Variants in AQR observed in about 807,000 individuals in gnomAD.
AQR encodes RNA helicase aquarius.
Under a neutral mutation model 180.5 loss-of-function variants are expected in AQR, and 61 were observed. That is an observed-to-expected ratio of 0.34 (90% CI 0.28 to 0.42). The LOEUF (loss-of-function observed/expected upper bound fraction) is 0.42. AQR is among the 10% of genes least tolerant of loss of function. The pLI is 1.00. For synonymous variants in AQR, 551 were observed against 588.8 expected (o/e 0.94, Z 0.93); for missense variants, 1,281 against 1,798.3 (o/e 0.71, Z 5.20).
chr15:34,896,832 A>G, intron 22 of AQR, 65 bp downstream of exon 22: 1 of 1,458,324 alleles, frequency 6.9e-7, no homozygotes, highest in East Asian at 2.3e-5. Flanking sequence ...ATGGGCAACA[A>G]AAGTGAAACT....
At chr15:34,890,427 T>G in intron 23 of AQR, 103 bp from the exon 24 acceptor site, 1 of 878,068 alleles carries the variant, frequency 1.1e-6, no homozygotes. Flanking sequence ...AGCCTTATAT[T>G]AGGCCATTTA....
intron 1 of AQR, among the ~76,000 whole-genome samples, chr15:34,967,048 G>T (rs2050313241): frequency 1.3e-5 from 2 of 151,942 alleles, no homozygotes; most frequent in Admixed American, 1.3e-4. Flanking sequence ...GGCTAATTTT[G>T]TATTTTTAGT....
chr15:34,950,801 T>C (rs1226066375), intron 4 of AQR, among the ~76,000 whole-genome samples: 1 of 152,204 alleles, frequency 6.6e-6, no homozygotes, highest in Non-Finnish European at 1.5e-5. Context: ...AAGGTTTTAT[T>C]TATAGAGTTT....
intron 2 of AQR, among the ~76,000 whole-genome samples, chr15:34,963,999 C>T (rs2050296531): frequency 6.6e-6 from 1 of 152,140 alleles, no homozygotes. Flanking sequence ...GAAAATACAA[C>T]AAAATGGTAA....
At chr15:34,945,266 T>A (rs1388857378) in intron 5 of AQR, among the ~76,000 whole-genome samples, 3 of 152,204 alleles carry the variant, frequency 2.0e-5, no homozygotes, top group Non-Finnish European at 4.4e-5. Flanking sequence ...ACTGAATATG[T>A]CCAAATTCAA....
intron 13 of AQR, 23 bp downstream of exon 13, chr15:34,927,008 AATAT>A: frequency 2.2e-6 from 3 of 1,370,380 alleles, no homozygotes; most frequent in East Asian, 2.4e-5. Context: ...ACAAAAAAAG[AATAT>A]ATAGTTTTTC....
chr15:34,962,329 T>A (rs2050284399), intron 2 of AQR, among the ~76,000 whole-genome samples: 1 of 152,170 alleles, frequency 6.6e-6, no homozygotes, highest in Non-Finnish European at 1.5e-5. Context: ...GCCTATAATA[T>A]CTTTTAATTG....
intron 16 of AQR, 121 bp downstream of exon 16, chr15:34,914,917 C>T (rs1893558105): frequency 1.9e-6 from 2 of 1,039,382 alleles, no homozygotes; most frequent in Non-Finnish European, 2.6e-6. Flanking sequence ...TAAATATCTC[C>T]TATTTTAGAG....
chr15:34,860,347 T>C (rs981289870), intron 33 of AQR, among the ~76,000 whole-genome samples, 192 bp from the exon 34 acceptor site: 6 of 150,546 alleles, frequency 4.0e-5, no homozygotes, highest in East Asian at 2.0e-4. Flanking sequence ...AAGACTTAAA[T>C]AGAATTAATA....
rs748196563 is a variant in AQR at position 34,932,304 on chromosome 15, A to C, written c.900+14T>G. The C allele has an allele frequency of 3.2e-6, 5 of 1,568,176 alleles. No individual in the cohort carries two copies. In the African/African-American group the frequency reaches 6.8e-5, roughly 21 times the overall value. ...AGTAAAACAATAAATACGTTCAGAT[A>C]CATCAATATTCACCTGGGAAAAAAG... On this transcript the variant is annotated intron_variant, in intron 11 of 34. Coordinates refer to ENST00000156471, the MANE Select transcript of AQR (RefSeq NM_014691.3).
At chr15:34,927,488 GA>G (rs1893782036) in intron 12 of AQR, among the ~76,000 whole-genome samples, 1 of 152,184 alleles carries the variant, frequency 6.6e-6, no homozygotes, top group Admixed American at 6.5e-5. Flanking sequence ...AAGACTAAAA[GA>G]AAGTCCCAAG....
chr15:34,895,190 ATATATATAT>A (rs1566984217), intron 22 of AQR, among the ~76,000 whole-genome samples: 48 of 52,268 alleles, frequency 9.2e-4, no homozygotes, highest in African/African-American at 1.2e-3. Flanking sequence ...AAAAAAAAAT[ATATATATAT>A]ATATATATAT....
chr15:34,958,127 G>A (rs1365230488), intron 3 of AQR, among the ~76,000 whole-genome samples: 1 of 152,188 alleles, frequency 6.6e-6, no homozygotes, highest in Admixed American at 6.5e-5. Flanking sequence ...GGAATGGCGT[G>A]GACCCGGGAG....
At chr15:34,968,348 G>A (rs1323494000) in intron 1 of AQR, among the ~76,000 whole-genome samples, 1 of 151,658 alleles carries the variant, frequency 6.6e-6, no homozygotes, top group Non-Finnish European at 1.5e-5. Context: ...CGCCTCCCGG[G>A]TTCACGCCAT....
At chr15:34,925,001 C>G (rs1232547352) in intron 13 of AQR, among the ~76,000 whole-genome samples, 1 of 149,080 alleles carries the variant, frequency 6.7e-6, no homozygotes, top group African/African-American at 2.5e-5. Flanking sequence ...AGGACTTCTA[C>G]ATAAAGCATC....
intron 33 of AQR, among the ~76,000 whole-genome samples, chr15:34,861,511 C>T (rs2140457415): frequency 6.6e-6 from 1 of 152,310 alleles, no homozygotes; most frequent in African/African-American, 2.4e-5. Flanking sequence ...TCCAAGCCTT[C>T]TGTTCAGTGA....
At chr15:34,913,690 A>T (rs1196679137) in intron 16 of AQR, among the ~76,000 whole-genome samples, 1 of 152,218 alleles carries the variant, frequency 6.6e-6, no homozygotes, top group Non-Finnish European at 1.5e-5. Flanking sequence ...ATAAATCGCT[A>T]GTCTGCAAAA....
chr15:34,964,113 ATT>A (rs1275382506), intron 2 of AQR, 119 bp downstream of exon 2: 2 of 727,586 alleles, frequency 2.7e-6, no homozygotes, highest in African/African-American at 1.8e-5. Context: ...AAAAAATTGT[ATT>A]TTTTGTAGAT....
chr15:34,856,494 A>G lies in AQR; in HGVS notation c.*298T>C. The stretch of plus-strand genomic sequence containing the variant: ...TTAGAGAAGTTCACTAAAAATGTGA[A>G]GTATATATTATATATTCATAGAAAA... On this transcript the variant is annotated 3_prime_UTR_variant, in exon 35 of 35. Transcript: ENST00000156471. 1 of 403,288 alleles carries G rather than the reference A, an allele frequency of 2.5e-6. No homozygotes were observed. The highest frequency in any genetic ancestry group is 4.4e-6 in the Non-Finnish European group (1 of 228,586). The allele number at this position is 403,288 out of a possible 1,614,324, so 25.0% of individuals were successfully genotyped here.
Sources: allele counts gnomAD v4.1 joint callset (sites outside exome capture counted in the v4.1 genomes callset), GRCh38; gene constraint gnomAD v4.1.1; transcripts MANE v1.5; gene names NCBI Gene and HGNC (gene_info 2026-07-23, HGNC 2026-07-21).